AK5: variants seen among roughly 807,000 people sequenced by gnomAD.
The protein encoded by AK5 is adenylate kinase 5.
AK5 carries 27 observed loss-of-function variants against 69.5 expected under a neutral mutation model. The ratio of observed to expected loss-of-function variants is 0.39; its 90% CI spans 0.29 to 0.54. The LOEUF (loss-of-function observed/expected upper bound fraction) is 0.54. Ranked by LOEUF, AK5 falls within the 20% of genes least tolerant of loss-of-function variation. AK5 has a pLI of 0.71. For synonymous variants in AK5, 260 were observed against 244.4 expected (o/e 1.06, Z -0.60); for missense variants, 531 against 700.4 (o/e 0.76, Z 2.73).
chr1:77,406,992 T>C (rs1649700465), intron 6 of AK5, among the ~76,000 whole-genome samples: 1 of 151,478 alleles, frequency 6.6e-6, no homozygotes, highest in South Asian at 2.1e-4. Flanking sequence ...ATATCCAGCA[T>C]CCAACAAGGT....
intron 10 of AK5, among the ~76,000 whole-genome samples, chr1:77,510,847 A>T (rs1030322720): frequency 3.3e-5 from 5 of 151,930 alleles, no homozygotes; most frequent in Non-Finnish European, 5.9e-5. Context: ...CCTAATAAGG[A>T]AGACAAAATT....
intron 9 of AK5, among the ~76,000 whole-genome samples, chr1:77,483,768 A>G (rs1655414526): frequency 6.6e-6 from 1 of 152,212 alleles, no homozygotes; most frequent in African/African-American, 2.4e-5. Flanking sequence ...TTGAAACACA[A>G]AAATATTTTT....
intron 13 of AK5, among the ~76,000 whole-genome samples, chr1:77,555,926 T>C (rs1241695139): frequency 1.3e-5 from 2 of 152,156 alleles, no homozygotes; most frequent in African/African-American, 4.8e-5. Flanking sequence ...AGTAAAGCAA[T>C]AAGCAAGGTG....
chr1:77,362,690 A>T (rs906944926), intron 6 of AK5, among the ~76,000 whole-genome samples: 1 of 152,236 alleles, frequency 6.6e-6, no homozygotes, highest in Non-Finnish European at 1.5e-5. Context: ...CAAATTATAA[A>T]AACTTGTTTT....
At position 77,428,235 on chromosome 1, in the gene AK5, A is replaced by G. The variant is rs567418436; in HGVS notation, c.1059+10520A>G. 3.3e-5 allele frequency among the ~76,000 whole-genome samples: 5 copies of G among 152,326 alleles called. No individual in the cohort carries two copies. The South Asian group carries it at 1.0e-3, about 32-fold the overall frequency. ...TAGAGTTGCTGAGCCCACACACTAA[A>G]TCTGAAAATGACACCAGATTGACAA... is the stretch of plus-strand genomic sequence containing the variant. On this transcript the variant is annotated intron_variant, in intron 8 of 13. Transcript: ENST00000354567.
chr1:77,340,500 C>T lies in AK5; in HGVS notation c.823C>T (p.Leu275=). 6.2e-7 allele frequency: 1 copy of T among 1,614,114 alleles called. No homozygotes were observed. Among genetic ancestry groups the T allele is most frequent in the Non-Finnish European group, 8.5e-7 (1 of 1,180,004 alleles). Residue 275 remains leucine, a synonymous_variant, in exon 6 of 14, where the codon CTA becomes TTA. Transcript: ENST00000354567. ...DDNVKATQRR[L]MNFKQNAAPL... ...CAATGTAAAAGCTACCCAAAGGAGA[C>T]TAATGAACTTCAAGCAGAATGCTGC... is the stretch of plus-strand genomic sequence containing the variant.
At chr1:77,297,764 G>A (rs1659095567) in intron 4 of AK5, 36 bp downstream of exon 4, 2 of 1,604,992 alleles carry the variant, frequency 1.2e-6, no homozygotes, top group Non-Finnish European at 1.7e-6. Context: ...TCTGCAAAAT[G>A]TTTTCATACC....
At chr1:77,536,935 A>T in intron 13 of AK5, among the ~76,000 whole-genome samples, 1 of 152,322 alleles carries the variant, frequency 6.6e-6, no homozygotes, top group Admixed American at 6.5e-5. Flanking sequence ...AGTCACCATC[A>T]GTTTTATGAA....
intron 6 of AK5, among the ~76,000 whole-genome samples, chr1:77,363,272 A>G (rs1208161971): frequency 1.3e-5 from 2 of 152,088 alleles, no homozygotes; most frequent in South Asian, 2.1e-4. Context: ...GTCTTTTTCA[A>G]TAAGTCCTAC....
intron 5 of AK5, among the ~76,000 whole-genome samples, chr1:77,302,456 C>T (rs557048801): frequency 2.0e-4 from 30 of 152,230 alleles, no homozygotes; most frequent in Admixed American, 1.1e-3. Flanking sequence ...AGTTTCATTA[C>T]GCAGATATAT....
chr1:77,343,705 G>GT (rs1277420394), intron 6 of AK5, among the ~76,000 whole-genome samples: 1 of 152,202 alleles, frequency 6.6e-6, no homozygotes, highest in African/African-American at 2.4e-5. Flanking sequence ...ATTATGAGGA[G>GT]TAAATGGATG....
chr1:77,357,868 G>A (rs1662615773), intron 6 of AK5, among the ~76,000 whole-genome samples: 1 of 152,188 alleles, frequency 6.6e-6, no homozygotes, highest in Admixed American at 6.5e-5. Context: ...GCTGCCTGAA[G>A]GATGAGCAGC....
chr1:77,283,146 G>A (rs1211069400), intron 1 of AK5: 1 of 985,642 alleles, frequency 1.0e-6, no homozygotes, highest in Non-Finnish European at 1.2e-6. Context: ...GGGGACACTT[G>A]GAGACTGAGA....
chr1:77,390,765 T>C (rs1648370801), intron 6 of AK5, among the ~76,000 whole-genome samples: 1 of 152,240 alleles, frequency 6.6e-6, no homozygotes, highest in African/African-American at 2.4e-5. Flanking sequence ...TATATAATAC[T>C]ATATGTAGAA....
intron 8 of AK5, among the ~76,000 whole-genome samples, chr1:77,425,049 G>A (rs2803142): frequency 0.022 from 3,372 of 152,240 alleles, 122 homozygotes; most frequent in African/African-American, 0.077. Context: ...GTAGTAGAGC[G>A]AAGATCAAAA....
intron 8 of AK5, among the ~76,000 whole-genome samples, chr1:77,466,858 A>G (rs746492004): frequency 1.2e-4 from 19 of 152,332 alleles, no homozygotes; most frequent in Non-Finnish European, 2.6e-4. Context: ...TCAACACATG[A>G]GTCTTGGAGG....
At chr1:77,520,202 CAAAAAAA>C (rs377135288) in intron 11 of AK5, among the ~76,000 whole-genome samples, 2 of 110,552 alleles carry the variant, frequency 1.8e-5, no homozygotes, top group East Asian at 5.1e-4. Context: ...AACTCCATCT[CAAAAAAA>C]AAAAAAAAAA....
In AK5 at chr1:77,476,907, T is replaced by TAAAA. The variant is rs1553155235; in HGVS notation, c.1060-6401_1060-6398dup. 8.6e-3 allele frequency among the ~76,000 whole-genome samples: 1,266 copies of TAAAA among 148,046 alleles called. 24 individuals are homozygous for TAAAA. Among genetic ancestry groups the TAAAA allele is most frequent in the East Asian group, 0.069 (347 of 5,056 alleles). ...TGTGTGAGGTGTTTTGCTGTTTTTT[T>TAAAA]AAAAAAAAAAAACAGGTATAAGGAA... On this transcript the variant is annotated intron_variant, in intron 8 of 13. Coordinates refer to ENST00000354567, the MANE Select transcript of AK5 (RefSeq NM_174858.3).
At chr1:77,499,329 T>G (rs1656556840) in intron 10 of AK5, among the ~76,000 whole-genome samples, 1 of 152,146 alleles carries the variant, frequency 6.6e-6, no homozygotes, top group African/African-American at 2.4e-5. Context: ...TGCTTTACTG[T>G]GACATGTTAC....
Sources: gnomAD v4.1 joint callset for allele counts (sites outside exome capture counted in the v4.1 genomes callset) on GRCh38, gnomAD v4.1.1 for gene constraint, MANE v1.5 for transcripts, NCBI Gene and HGNC (gene_info 2026-07-23, HGNC 2026-07-21) for gene names.